Variants in GOLGA7B observed in about 807,000 individuals in gnomAD.
GOLGA7B encodes golgin A7 family member B, also known as golgin subfamily A member 7B.
Under a neutral mutation model 21.5 loss-of-function variants are expected in GOLGA7B, and 17 were observed. The observed-to-expected ratio is 0.79, with a 90% CI of 0.54 to 1.19. GOLGA7B has a LOEUF of 1.19. GOLGA7B is among the 50% of genes most tolerant of loss of function. The probability of loss-of-function intolerance (pLI) is 0.00; values close to 1 mark genes in which losing one functional copy is unlikely to be tolerated. For missense variants in GOLGA7B, 169 were observed against 224.4 expected (o/e 0.75, Z 1.58); for synonymous variants, 87 against 84.0 (o/e 1.04, Z -0.19).
chr10:97,863,284 A>G (rs1277079153), intron 2 of GOLGA7B, among the ~76,000 whole-genome samples: 1 of 152,162 alleles, frequency 6.6e-6, no homozygotes, highest in Non-Finnish European at 1.5e-5. Context: ...CTGAGAGTTA[A>G]ATGAAAGAGT....
Position 97,868,710 on chromosome 10 carries a change from C to T in GOLGA7B, c.*3010C>T, listed in dbSNP as rs1418372489. On this transcript the variant is annotated 3_prime_UTR_variant, in exon 5 of 5. Transcript: ENST00000370602. ...TTGGGATAGGAAGTTTGTTCTACCC[C>T]GAGGCCAGATTTGAATCCAAACTCA... 2.0e-5 allele frequency: 3 copies of T among 152,100 alleles called. No homozygotes were observed. The highest frequency in any genetic ancestry group is 1.9e-4 in the East Asian group (1 of 5,184). The allele number at this position is 152,100 out of a possible 1,614,324, so 9.4% of individuals were successfully genotyped here.
rs2049958115 is a variant in GOLGA7B at position 97,859,563 on chromosome 10, C to T, written c.118C>T (p.Pro40Ser). 1.2e-6 allele frequency: 2 copies of T among 1,614,114 alleles called. No individual in the cohort carries two copies. The highest frequency in any genetic ancestry group is 1.7e-6 in the Non-Finnish European group (2 of 1,179,992). ...CATCTGTCAGTTCCAGACCAAATTCCCCCCAGAGCTGGACAGCCGGGTAAG... is the reference window on the plus strand; with the variant it reads ...CATCTGTCAGTTCCAGACCAAATTCTCCCCAGAGCTGGACAGCCGGGTAAG... The part of the protein sequence containing the change: ...GTICQFQTKF[P>S]PELDSRIERQ... Residue 40 changes from proline to serine, a missense_variant, in exon 2 of 5, where the codon CCC becomes TCC. Transcript: ENST00000370602.
chr10:97,864,284 T>C lies in GOLGA7B; in HGVS notation c.393+15T>C. 1 of 1,605,408 alleles carries C rather than the reference T, an allele frequency of 6.2e-7. No individual in the cohort carries two copies. Among genetic ancestry groups the C allele is most frequent in the Non-Finnish European group, 8.5e-7 (1 of 1,172,072 alleles). ...GGATGAGGGTTGTATCCTTCTGGGC[T>C]ATTCTGTGTTGAGGGCACAGGACTG... On this transcript the variant is annotated intron_variant, in intron 4 of 4. Coordinates refer to ENST00000370602, the MANE Select transcript of GOLGA7B (RefSeq NM_001010917.3).
At chr10:97,852,205 T>C (rs537451100) in intron 1 of GOLGA7B, among the ~76,000 whole-genome samples, 7 of 152,078 alleles carry the variant, frequency 4.6e-5, no homozygotes, top group Middle Eastern at 3.4e-3. Flanking sequence ...TGGCCAGTGC[T>C]TTTTTTTCCT....
intron 1 of GOLGA7B, among the ~76,000 whole-genome samples, chr10:97,850,525 G>C (rs1004542661): frequency 6.6e-6 from 1 of 152,166 alleles, no homozygotes; most frequent in Non-Finnish European, 1.5e-5. Flanking sequence ...GAGCCCCCAA[G>C]CTGTCCGCGA....
intron 1 of GOLGA7B, among the ~76,000 whole-genome samples, chr10:97,858,077 T>C (rs1045868318): frequency 6.6e-6 from 1 of 152,218 alleles, no homozygotes; most frequent in African/African-American, 2.4e-5. Context: ...TCTATCTTTG[T>C]CACTTTGCGC....
rs2050041741 is a variant in GOLGA7B at position 97,867,498 on chromosome 10, G to A, written c.*1798G>A. The A allele has an allele frequency of 6.6e-6, 1 of 152,318 alleles. No individual in the cohort carries two copies. The highest frequency in any genetic ancestry group is 1.5e-5 in the Non-Finnish European group (1 of 68,094). 9.4% of individuals were successfully genotyped at this position (152,318 alleles called of 1,614,324 possible). On this transcript the variant is annotated 3_prime_UTR_variant, in exon 5 of 5. Coordinates refer to ENST00000370602, the MANE Select transcript of GOLGA7B (RefSeq NM_001010917.3). ...AGGGCCTACCCAGAGACCAGAGAGA[G>A]TCAGCCTAGTCCTTGCAGCCTCAGG... is the stretch of plus-strand genomic sequence containing the variant.
chr10:97,859,761 A>G (rs1402877454), intron 2 of GOLGA7B, among the ~76,000 whole-genome samples, 178 bp downstream of exon 2: 1 of 152,258 alleles, frequency 6.6e-6, no homozygotes, highest in Non-Finnish European at 1.5e-5. Flanking sequence ...ATATTGTCTT[A>G]CTGTCTCCTC....
rs2050090668 is a variant in GOLGA7B at position 97,871,257 on chromosome 10, G to A, written c.*5557G>A. ...ATGCAGGATCCTGGAGCTGCGTCGG[G>A]TTTTGAATCAGGGACAATGGAGGAA... On this transcript the variant is annotated 3_prime_UTR_variant, in exon 5 of 5. Transcript: ENST00000370602. The A allele has an allele frequency of 6.6e-6, 1 of 152,192 alleles. No homozygotes were observed. The highest frequency in any genetic ancestry group is 2.1e-4 in the South Asian group (1 of 4,826). The allele number at this position is 152,192 out of a possible 1,614,324, so 9.4% of individuals were successfully genotyped here. A position where few individuals can be genotyped will look rare whatever the true frequency, so the allele number is the denominator to read the frequency against.
intron 1 of GOLGA7B, among the ~76,000 whole-genome samples, chr10:97,854,498 T>C (rs1453232413): frequency 2.0e-5 from 3 of 152,208 alleles, no homozygotes; most frequent in Non-Finnish European, 4.4e-5. Context: ...ATGTACTCTA[T>C]GTAGGTCTGG....
rs903441686 is a variant in GOLGA7B at position 97,869,247 on chromosome 10, G to C, written c.*3547G>C. 1 of 152,378 alleles carries C rather than the reference G, an allele frequency of 6.6e-6. No homozygotes were observed. The highest frequency in any genetic ancestry group is 1.5e-5 in the Non-Finnish European group (1 of 68,166). The allele number at this position is 152,378 out of a possible 1,614,324, so 9.4% of individuals were successfully genotyped here. A position where few individuals can be genotyped will look rare whatever the true frequency, so the allele number is the denominator to read the frequency against. On this transcript the variant is annotated 3_prime_UTR_variant, in exon 5 of 5. Transcript: ENST00000370602. ...ACGGGAGGGTGCATGGGCTGTGCTC[G>C]CAGGCATGCGGGACCCAGAGGCAGC... is the stretch of plus-strand genomic sequence containing the variant.
intron 4 of GOLGA7B, 32 bp downstream of exon 4, chr10:97,864,301 A>C (rs764357105): frequency 6.4e-7 from 1 of 1,565,254 alleles, no homozygotes; most frequent in Non-Finnish European, 8.8e-7. Flanking sequence ...TGTTGAGGGC[A>C]CAGGACTGCT....
Position 97,869,466 on chromosome 10 carries a change from C to T in GOLGA7B, c.*3766C>T, listed in dbSNP as rs545574905. The T allele has an allele frequency of 4.6e-5, 7 of 152,842 alleles. No homozygotes were observed. In the South Asian group the frequency reaches 6.2e-4, roughly 14 times the overall value. The allele number at this position is 152,842 out of a possible 1,614,324, so 9.5% of individuals were successfully genotyped here. ...GCTCCAGCCTCAGCCAGACTGTCCC[C>T]GAGGTCCCAAGTGAGGCCCCAGCCA... On this transcript the variant is annotated 3_prime_UTR_variant, in exon 5 of 5. Coordinates refer to ENST00000370602, the MANE Select transcript of GOLGA7B (RefSeq NM_001010917.3).
In GOLGA7B at chr10:97,867,623, T is replaced by G. The variant is rs1375320121; in HGVS notation, c.*1923T>G. ...CCCTGGCCACGGCCTATGCCCTCCC[T>G]GGGCCCCTGTGGGGCTGGGCATTGT... On this transcript the variant is annotated 3_prime_UTR_variant, in exon 5 of 5. Transcript: ENST00000370602. 1 of 152,090 alleles carries G rather than the reference T, an allele frequency of 6.6e-6. No homozygotes were observed. The highest frequency in any genetic ancestry group is 1.9e-4 in the East Asian group (1 of 5,184). 9.4% of individuals were successfully genotyped at this position (152,090 alleles called of 1,614,324 possible).
intron 2 of GOLGA7B, among the ~76,000 whole-genome samples, chr10:97,863,672 T>C (rs1272733331): frequency 6.6e-6 from 1 of 152,236 alleles, no homozygotes; most frequent in Non-Finnish European, 1.5e-5. Context: ...ATGAGGAAAC[T>C]GAAGCCTAGA....
At chr10:97,859,174 C>A (rs899855643) in intron 1 of GOLGA7B, among the ~76,000 whole-genome samples, 1 of 152,264 alleles carries the variant, frequency 6.6e-6, no homozygotes, top group African/African-American at 2.4e-5. Context: ...CCACCTCAGC[C>A]TCCCAAAGTG....
chr10:97,859,477 T>C lies in GOLGA7B; in HGVS notation c.32T>C (p.Leu11Pro). The change falls in exon 2 of 5, where the codon CTC becomes CCC. Residue 11 changes from leucine (L) to proline (P), a missense_variant. Transcript: ENST00000370602. MATEVHNLQE[L>P]RRSASLATKV... ...CCTCAGGTCCACAATCTGCAGGAGC[T>C]CCGGCGAAGTGCCTCACTGGCCACC... is the stretch of plus-strand genomic sequence containing the variant. 1.9e-6 allele frequency: 3 copies of C among 1,614,094 alleles called. No individual in the cohort carries two copies. Among genetic ancestry groups the C allele is most frequent in the Non-Finnish European group, 2.5e-6 (3 of 1,179,988 alleles).
chr10:97,859,339 A>T (rs576743164), intron 1 of GOLGA7B, 119 bp from the exon 2 acceptor site: 1 of 1,014,196 alleles, frequency 9.9e-7, no homozygotes, highest in Non-Finnish European at 1.4e-6. Flanking sequence ...TTGTCTCTGC[A>T]TGCTGGGAAC....
At chr10:97,857,542 C>A (rs1051261954) in intron 1 of GOLGA7B, among the ~76,000 whole-genome samples, 1 of 152,068 alleles carries the variant, frequency 6.6e-6, no homozygotes, top group Admixed American at 6.5e-5. Context: ...AATGACCATG[C>A]GGCCCAAAGC....
Sources: allele counts gnomAD v4.1 joint callset (sites outside exome capture counted in the v4.1 genomes callset), GRCh38; gene constraint gnomAD v4.1.1; transcripts MANE v1.5; gene names NCBI Gene and HGNC (gene_info 2026-07-23, HGNC 2026-07-21).